Variants in FKBP1A observed in about 807,000 individuals in gnomAD.
The protein encoded by FKBP1A is FKBP prolyl isomerase 1A, also known as peptidyl-prolyl cis-trans isomerase FKBP1A.
Under a neutral mutation model 14.2 loss-of-function variants are expected in FKBP1A, and 5 were observed. The observed-to-expected ratio is 0.35, with a 90% confidence interval of 0.18 to 0.74. FKBP1A has a LOEUF of 0.74. FKBP1A is among the 30% of genes least tolerant of loss of function. The probability of loss-of-function intolerance (pLI) is 0.56; values close to 1 mark genes in which losing one functional copy is unlikely to be tolerated. For missense variants in FKBP1A, 53 were observed against 138.8 expected (o/e 0.38, Z 3.10); for synonymous variants, 42 against 49.1 (o/e 0.86, Z 0.60).
At chr20:1,392,719 C>A in intron 2 of FKBP1A, 115 bp downstream of exon 2, 1 of 705,818 alleles carries the variant, frequency 1.4e-6, no homozygotes, top group Non-Finnish European at 2.0e-6. Context: ...CCATGCGGAC[C>A]TCGCCGCCGC....
At chr20:1,392,002 T>C (rs1030235703) in intron 2 of FKBP1A, among the ~76,000 whole-genome samples, 3 of 152,110 alleles carry the variant, frequency 2.0e-5, no homozygotes, top group Non-Finnish European at 2.9e-5. Context: ...CACACGACTC[T>C]GATGTCTGAA....
chr20:1,392,740 ACCCCAGGCCCCGGG>A, intron 2 of FKBP1A, 80 bp downstream of exon 2: 3 of 896,564 alleles, frequency 3.3e-6, no homozygotes, highest in Non-Finnish European at 3.0e-6. Context: ...CACGCCCCGG[ACCCCAGGCCCCGGG>A]CCCCCAGGCC....
intron 2 of FKBP1A, among the ~76,000 whole-genome samples, chr20:1,378,932 C>A (rs1227095898): frequency 5.3e-5 from 8 of 152,224 alleles, no homozygotes; most frequent in Non-Finnish European, 1.2e-4. Flanking sequence ...ACCCAGTACA[C>A]ACCCACATTT....
intron 2 of FKBP1A, among the ~76,000 whole-genome samples, chr20:1,392,595 C>T (rs2089752245): frequency 6.6e-6 from 1 of 152,130 alleles, no homozygotes; most frequent in African/African-American, 2.4e-5. Flanking sequence ...ATGCTTCTGA[C>T]GGGTCAGATA....
intron 2 of FKBP1A, chr20:1,376,752 G>A (rs1039831612): frequency 3.3e-5 from 5 of 150,844 alleles, no homozygotes; most frequent in African/African-American, 7.5e-5. Context: ...GTAAAACTAC[G>A]TTATAAATTA....
intron 2 of FKBP1A, among the ~76,000 whole-genome samples, chr20:1,384,103 T>C (rs75138798): frequency 0.015 from 2,332 of 152,316 alleles, 60 homozygotes; most frequent in African/African-American, 0.052. Context: ...CCTCATGCTT[T>C]AGTCTCTAGC....
intron 2 of FKBP1A, among the ~76,000 whole-genome samples, chr20:1,387,435 C>G (rs1456337257): frequency 6.6e-6 from 1 of 152,112 alleles, no homozygotes; most frequent in Non-Finnish European, 1.5e-5. Context: ...TCTTAAGGCC[C>G]TGACAAAAAA....
chr20:1,389,617 A>C (rs2089709812), intron 2 of FKBP1A, among the ~76,000 whole-genome samples: 1 of 152,226 alleles, frequency 6.6e-6, no homozygotes, highest in Non-Finnish European at 1.5e-5. Context: ...CCGGGAGGCT[A>C]TACCTGACTT....
intron 3 of FKBP1A, 48 bp from the exon 4 acceptor site, chr20:1,372,288 C>G (rs1289571956): frequency 6.3e-7 from 1 of 1,598,648 alleles, no homozygotes; most frequent in South Asian, 1.1e-5. Context: ...CATGCCCCAA[C>G]TGTCTCTGTA....
chr20:1,388,462 A>G (rs1380188632), intron 2 of FKBP1A, among the ~76,000 whole-genome samples: 1 of 152,234 alleles, frequency 6.6e-6, no homozygotes, highest in African/African-American at 2.4e-5. Context: ...CTCGATAGGC[A>G]TTTGCTTCAC....
chr20:1,371,617 A>T, intron 4 of FKBP1A: 1 of 711,844 alleles, frequency 1.4e-6, no homozygotes, highest in African/African-American at 1.9e-5. Flanking sequence ...ACCACAAACC[A>T]CAGTGAAGAG....
At chr20:1,378,056 G>T (rs959434690) in intron 2 of FKBP1A, 6 of 152,210 alleles carry the variant, frequency 3.9e-5, no homozygotes, top group African/African-American at 1.4e-4. Context: ...GGGTCAGTTT[G>T]GGCACTACTT....
At chr20:1,391,510 T>G (rs564331559) in intron 2 of FKBP1A, 5 of 393,934 alleles carry the variant, frequency 1.3e-5, no homozygotes, top group Non-Finnish European at 2.2e-5. Context: ...ATTTTTAAAG[T>G]TCTAGTCCTT....
At chr20:1,392,403 G>A (rs1439405587) in intron 2 of FKBP1A, among the ~76,000 whole-genome samples, 1 of 152,170 alleles carries the variant, frequency 6.6e-6, no homozygotes, top group Non-Finnish European at 1.5e-5. Context: ...GGGAGGGATG[G>A]AAGTGGGGGC....
rs973347138 is a variant in FKBP1A, at chr20:1,392,805, G to A, written c.85+29C>T. On this transcript the variant is annotated intron_variant, in intron 2 of 4. Coordinates refer to ENST00000400137, the MANE Select transcript of FKBP1A (RefSeq NM_000801.5). The stretch of plus-strand genomic sequence containing the variant: ...ACCCGGGCTGCGGACTGCGGCCCGG[G>A]CCCCCTCCCCGCTGGGCCCCCGACT... 4.5e-5 allele frequency: 67 copies of A among 1,475,398 alleles called. No individual in the cohort carries two copies. The Admixed American group carries it at 1.5e-3, about 32-fold the overall frequency. The allele number at this position is 1,475,398 out of a possible 1,614,324, so 91.4% of individuals were successfully genotyped here.
In FKBP1A at chr20:1,379,375, C is replaced by T. The variant is rs545279529; in HGVS notation, c.86-3772G>A. 2.0e-4 allele frequency among the ~76,000 whole-genome samples: 30 copies of T among 152,276 alleles called. No individual in the cohort carries two copies. The South Asian group carries it at 5.8e-3, about 29-fold the overall frequency. ...ATCTGCTGCTGCTGCTGCTGCTGAGCCAGCATGGAGATGTGTATGTTCTTC... is the reference window on the plus strand; with the variant it reads ...ATCTGCTGCTGCTGCTGCTGCTGAGTCAGCATGGAGATGTGTATGTTCTTC... On this transcript the variant is annotated intron_variant, in intron 2 of 4. Transcript: ENST00000400137. This position sits in a 1 kb window ranked among gnomAD's most constrained non-coding sequence, Gnocchi z 4.3.
chr20:1,387,296 A>G (rs1328722724), intron 2 of FKBP1A, among the ~76,000 whole-genome samples: 1 of 152,198 alleles, frequency 6.6e-6, no homozygotes, highest in Non-Finnish European at 1.5e-5. Flanking sequence ...GGACCAGAGT[A>G]GTGAAACCGA....
chr20:1,375,820 C>G (rs2089534070), intron 2 of FKBP1A, among the ~76,000 whole-genome samples: 1 of 152,106 alleles, frequency 6.6e-6, no homozygotes, highest in East Asian at 1.9e-4. Flanking sequence ...CAAGCAATAA[C>G]TCGACTACAA....
Position 1,375,367 on chromosome 20 carries a change from A to C in FKBP1A, c.198+124T>G. On this transcript the variant is annotated intron_variant, in intron 3 of 4. Coordinates refer to ENST00000400137, the MANE Select transcript of FKBP1A (RefSeq NM_000801.5). ...AGCTTCTTGTGGGGGTATTGGTCAGATGGGATGGCATGAGGGTGAGACTTT... is the reference window on the plus strand; with the variant it reads ...AGCTTCTTGTGGGGGTATTGGTCAGCTGGGATGGCATGAGGGTGAGACTTT... 5 of 670,736 alleles carry C rather than the reference A, an allele frequency of 7.5e-6. No individual in the cohort carries two copies. In the South Asian group the frequency reaches 9.4e-5, roughly 13 times the overall value. 41.5% of individuals were successfully genotyped at this position (670,736 alleles called of 1,614,324 possible).
Sources: allele counts gnomAD v4.1 joint callset (sites outside exome capture counted in the v4.1 genomes callset), GRCh38; gene constraint gnomAD v4.1.1; non-coding constraint Gnocchi (gnomAD v3.1); transcripts MANE v1.5; gene names NCBI Gene and HGNC (gene_info 2026-07-23, HGNC 2026-07-21).